Variants in SGCZ observed in about 807,000 individuals in gnomAD.
SGCZ encodes the protein sarcoglycan zeta.
In SGCZ, 40 loss-of-function variants were observed where a neutral mutation model predicts 41.3. The ratio of observed to expected loss-of-function variants is 0.97; its 90% CI spans 0.75 to 1.26. SGCZ has a LOEUF of 1.26. SGCZ is among the 50% of genes most tolerant of loss of function. The probability of loss-of-function intolerance (pLI) is 0.00; values close to 1 mark genes in which losing one functional copy is unlikely to be tolerated. For missense variants in SGCZ, 552 were observed against 369.8 expected (o/e 1.49, Z -4.04); for synonymous variants, 206 against 137.5 (o/e 1.50, Z -3.49).
At chr8:14,838,011 A>C (rs1802761216) in intron 1 of SGCZ, among the ~76,000 whole-genome samples, 1 of 152,188 alleles carries the variant, frequency 6.6e-6, no homozygotes, top group Admixed American at 6.5e-5. Context: ...TCAGCCATAA[A>C]AAAAAGAACA....
At chr8:14,559,983 A>G (rs1336689788) in intron 1 of SGCZ, among the ~76,000 whole-genome samples, 1 of 152,120 alleles carries the variant, frequency 6.6e-6, no homozygotes, top group Admixed American at 6.6e-5. Context: ...TTGCCAAGGA[A>G]TTGACTTTGC....
chr8:14,372,158 C>G (rs1460478813), intron 2 of SGCZ, among the ~76,000 whole-genome samples: 2 of 151,954 alleles, frequency 1.3e-5, no homozygotes, highest in African/African-American at 4.8e-5. Flanking sequence ...GGTTTTAGAT[C>G]CTAAGGGTAG....
intron 1 of SGCZ, among the ~76,000 whole-genome samples, chr8:14,685,529 G>A (rs928579455): frequency 6.6e-6 from 1 of 152,020 alleles, no homozygotes; most frequent in African/African-American, 2.4e-5. Flanking sequence ...ATTCATGTAT[G>A]TAACTACTAA....
rs553032375 is a variant in SGCZ, at chr8:15,111,620, G to A, written c.39+125965C>T. ...TCACTGAAATAAATCCCTACATTTC[G>A]GCCGGGTGTGGTGGTTCACGCCTGT... On this transcript the variant is annotated intron_variant, in intron 1 of 7. Coordinates refer to ENST00000382080, the MANE Select transcript of SGCZ (RefSeq NM_139167.4). Among the ~76,000 whole-genome samples the A allele has an allele frequency of 1.6e-3, 242 of 152,226 alleles. 3 individuals are homozygous for A. The highest frequency in any genetic ancestry group is 4.4e-3 in the Admixed American group (67 of 15,294).
intron 2 of SGCZ, among the ~76,000 whole-genome samples, chr8:14,361,985 C>G (rs550865721): frequency 6.6e-4 from 100 of 152,234 alleles, no homozygotes; most frequent in Non-Finnish European, 1.1e-3. Context: ...AACTCCAGAC[C>G]CTGCTTGCCT....
Position 14,726,602 on chromosome 8 carries a change from T to A in SGCZ, c.40-171676A>T, listed in dbSNP as rs185599868. 8.7e-4 allele frequency among the ~76,000 whole-genome samples: 132 copies of A among 151,870 alleles called. 1 individual carries two copies. The highest frequency in any genetic ancestry group is 3.0e-3 in the African/African-American group (126 of 41,498). On this transcript the variant is annotated intron_variant, in intron 1 of 7. Transcript: ENST00000382080. ...ACAAACTCAACCAATAAAAATAAAT[T>A]TAAAATTCACAATTTTGAGAAATTA...
intron 1 of SGCZ, among the ~76,000 whole-genome samples, chr8:14,851,229 C>T (rs1382125271): frequency 1.3e-5 from 2 of 151,802 alleles, no homozygotes; most frequent in African/African-American, 4.8e-5. Flanking sequence ...ATTAGCCAGG[C>T]ATCGTGGCAG....
chr8:15,120,097 C>T (rs1471754330), intron 1 of SGCZ, among the ~76,000 whole-genome samples: 4 of 152,350 alleles, frequency 2.6e-5, no homozygotes, highest in East Asian at 1.9e-4. Context: ...CCTCCCACCT[C>T]GGCCTTCCGA....
chr8:14,368,706 T>A (rs538861901), intron 2 of SGCZ, among the ~76,000 whole-genome samples: 31 of 151,644 alleles, frequency 2.0e-4, no homozygotes, highest in Non-Finnish European at 1.2e-4. Flanking sequence ...AACAGATACA[T>A]CCTAAGTCTG....
At chr8:15,223,288 A>G in intron 1 of SGCZ, among the ~76,000 whole-genome samples, 1 of 152,206 alleles carries the variant, frequency 6.6e-6, no homozygotes, top group East Asian at 1.9e-4. Flanking sequence ...CATGATAGAA[A>G]GTTTGCAGTA....
chr8:14,727,422 A>G (rs1810091232), intron 1 of SGCZ, among the ~76,000 whole-genome samples: 1 of 152,172 alleles, frequency 6.6e-6, no homozygotes, highest in Admixed American at 6.5e-5. Context: ...CTGCTTGGCA[A>G]TATCTTATGA....
intron 4 of SGCZ, among the ~76,000 whole-genome samples, chr8:14,193,074 C>T (rs1227020133): frequency 6.6e-6 from 1 of 151,722 alleles, no homozygotes. Flanking sequence ...AAGACTGTAT[C>T]TTATAGGCTG....
At chr8:14,853,334 T>G in intron 1 of SGCZ, 1 of 332,394 alleles carries the variant, frequency 3.0e-6, no homozygotes, top group Non-Finnish European at 6.7e-6. Flanking sequence ...ACTTTTCATC[T>G]CACCTGAAGC....
At position 14,562,275 on chromosome 8, in the gene SGCZ, G is replaced by A. The variant is rs529671071; in HGVS notation, c.40-7349C>T. ...GGAATAGTAGTTGAGCCTCCGAGCA[G>A]AAGATTGTTTTCATTTAATAAAATA... On this transcript the variant is annotated intron_variant, in intron 1 of 7. Transcript: ENST00000382080. Among the ~76,000 whole-genome samples the A allele has an allele frequency of 4.6e-5, 7 of 152,266 alleles. No homozygotes were observed. The South Asian group carries it at 1.5e-3, about 32-fold the overall frequency.
At chr8:15,070,261 C>A (rs560618704) in intron 1 of SGCZ, among the ~76,000 whole-genome samples, 1 of 152,092 alleles carries the variant, frequency 6.6e-6, no homozygotes, top group East Asian at 1.9e-4. Flanking sequence ...ATTATAAACA[C>A]TAAATTCGGT....
intron 4 of SGCZ, among the ~76,000 whole-genome samples, chr8:14,182,494 T>C (rs1487276062): frequency 6.6e-6 from 1 of 152,250 alleles, no homozygotes; most frequent in African/African-American, 2.4e-5. Context: ...ATGGAAGCCT[T>C]ACTCATCTAC....
intron 3 of SGCZ, among the ~76,000 whole-genome samples, chr8:14,321,965 G>A (rs1309677563): frequency 1.3e-5 from 2 of 152,074 alleles, no homozygotes; most frequent in Non-Finnish European, 2.9e-5. Flanking sequence ...GAGAAATTGT[G>A]GCTGGCTTTA....
intron 1 of SGCZ, among the ~76,000 whole-genome samples, chr8:15,070,383 C>T (rs1805306620): frequency 6.6e-6 from 1 of 152,272 alleles, no homozygotes; most frequent in East Asian, 1.9e-4. Context: ...TGTTCTGCAA[C>T]TGATAATATG....
intron 5 of SGCZ, among the ~76,000 whole-genome samples, chr8:14,128,768 G>T (rs989375436): frequency 1.3e-5 from 2 of 151,702 alleles, no homozygotes; most frequent in African/African-American, 4.8e-5. Context: ...CATAAAAAAA[G>T]AATAAAATCA....
Sources: gnomAD v4.1 joint callset for allele counts (sites outside exome capture counted in the v4.1 genomes callset) on GRCh38, gnomAD v4.1.1 for gene constraint, MANE v1.5 for transcripts, NCBI Gene and HGNC (gene_info 2026-07-23, HGNC 2026-07-21) for gene names.